Variants in NPHP4 observed in about 807,000 individuals in gnomAD.
NPHP4 encodes the protein nephrocystin 4.
A neutral mutation model predicts 155.8 loss-of-function variants in NPHP4; 151 were observed. The ratio of observed to expected loss-of-function variants is 0.97; its 90% CI spans 0.85 to 1.11. The LOEUF (loss-of-function observed/expected upper bound fraction) is 1.11. NPHP4 is among the 50% of genes least tolerant of loss of function. The pLI, the probability that NPHP4 is intolerant of heterozygous loss-of-function variation, is 0.00. For missense variants in NPHP4, 1,956 were observed against 1,925.7 expected, an observed-to-expected ratio of 1.02 and a Z score of -0.29; for synonymous variants, 845 against 816.8, an observed-to-expected ratio of 1.03 and a Z score of -0.59.
chr1:5,986,089 G>A, intron 2 of NPHP4, 66 bp downstream of exon 2: 1 of 1,570,478 alleles, frequency 6.4e-7, no homozygotes. Context: ...CCATCCATCT[G>A]TTAACTGGAA....
Position 5,875,060 on chromosome 1 carries a change from T to A in NPHP4, c.2858A>T (p.Gln953Leu). ...SVRTQHLRDL[Q>L]VIAAYRERTK... The stretch of plus-strand genomic sequence containing the variant: ...GCGTTCCCGGTAGGCGGCGATGACC[T>A]GTAGGTCCCGCAAGTGCTGTGTGCG... The change falls in exon 21 of 30, where the codon CAG becomes CTG. Residue 953 changes from glutamine to leucine, a missense_variant. Coordinates refer to ENST00000378156, the MANE Select transcript of NPHP4 (RefSeq NM_015102.5). The A allele has an allele frequency of 1.2e-6, 2 of 1,607,552 alleles. No homozygotes were observed. The highest frequency in any genetic ancestry group is 2.2e-5 in the South Asian group (2 of 91,032).
chr1:5,928,869 A>AGAAC (rs1485681969), intron 10 of NPHP4, among the ~76,000 whole-genome samples: 3 of 152,236 alleles, frequency 2.0e-5, no homozygotes, highest in African/African-American at 7.2e-5. Flanking sequence ...AATCTTGGGC[A>AGAAC]GAACTGACAG....
Position 5,873,322 on chromosome 1 carries a change from A to C in NPHP4, c.3245T>G (p.Leu1082Trp). ...GGCGTCCATGCCCTTCTCGTTGCTCAACCCAGGAGAGGCCTGCAGGAACCG... is the reference window on the plus strand; with the variant it reads ...GGCGTCCATGCCCTTCTCGTTGCTCCACCCAGGAGAGGCCTGCAGGAACCG... ...QLAMVQASPG[L>W]SNEKGMDAVS... is the part of the protein sequence containing the mutation. Residue 1082 changes from leucine to tryptophan, a missense_variant, in exon 23 of 30, where the codon TTG becomes TGG. Coordinates refer to ENST00000378156, the MANE Select transcript of NPHP4 (RefSeq NM_015102.5). 1 of 1,613,884 alleles carries C rather than the reference A, an allele frequency of 6.2e-7. No homozygotes were observed.
chr1:5,885,359 G>T (rs986382824), intron 18 of NPHP4, among the ~76,000 whole-genome samples: 22 of 128,940 alleles, frequency 1.7e-4, no homozygotes, highest in African/African-American at 6.5e-4. Flanking sequence ...CCCATCCTAC[G>T]CCGCAACCAA....
intron 11 of NPHP4, among the ~76,000 whole-genome samples, chr1:5,925,891 A>G (rs372775295): frequency 6.5e-4 from 99 of 152,368 alleles, no homozygotes; most frequent in African/African-American, 2.4e-3. Context: ...CTGGGATTAC[A>G]GGCGTGAGCC....
rs141741026 is a variant in NPHP4 at position 5,934,210 on chromosome 1, C to G, written c.1120-881G>C. On this transcript the variant is annotated intron_variant, in intron 9 of 29. Coordinates refer to ENST00000378156, the MANE Select transcript of NPHP4 (RefSeq NM_015102.5). ...CTGCCTGCAGATCCTGCAGGCTCCC[C>G]TGGTGGGTGGAGCACACTTAAGTCA... Among the ~76,000 whole-genome samples, 506 of 152,266 alleles carry G rather than the reference C, an allele frequency of 3.3e-3. 10 individuals carry two copies. The highest frequency in any genetic ancestry group is 0.017 in the East Asian group (86 of 5,168).
At chr1:5,975,087 A>T (rs1653294447) in intron 3 of NPHP4, among the ~76,000 whole-genome samples, 1 of 152,208 alleles carries the variant, frequency 6.6e-6, no homozygotes. Context: ...AGCAATTAGC[A>T]GACAGGGTGC....
Position 5,948,210 on chromosome 1 carries a change from C to T in NPHP4, c.852G>A (p.Glu284=). ...PLDGGALEIL[E]RRLRVGVHNG... ...TGTGCACGCCCACACGCAGGCGCCGCTCCAGGATCTCCAGGGCACCACCGT... is the reference window on the plus strand; with the variant it reads ...TGTGCACGCCCACACGCAGGCGCCGTTCCAGGATCTCCAGGGCACCACCGT... The change falls in exon 8 of 30, where the codon GAG becomes GAA. Residue 284 remains glutamate (E), a synonymous_variant. Coordinates refer to ENST00000378156, the MANE Select transcript of NPHP4 (RefSeq NM_015102.5). The T allele has an allele frequency of 6.3e-7, 1 of 1,596,572 alleles. No homozygotes were observed. The highest frequency in any genetic ancestry group is 8.5e-7 in the Non-Finnish European group (1 of 1,173,780).
intron 3 of NPHP4, among the ~76,000 whole-genome samples, chr1:5,977,669 T>C (rs11120935): frequency 0.83 from 124,929 of 149,906 alleles, 52,232 homozygotes; most frequent in African/African-American, 0.92. Context: ...AGACAGAGCA[T>C]GCCGGCCCGC....
chr1:5,887,711 G>A (rs1419901566), intron 17 of NPHP4, among the ~76,000 whole-genome samples: 1 of 152,210 alleles, frequency 6.6e-6, no homozygotes, highest in Non-Finnish European at 1.5e-5. Context: ...AGTATGACTG[G>A]ATTTACCCAC....
intron 21 of NPHP4, 75 bp from the exon 22 acceptor site, chr1:5,874,732 C>A: frequency 6.5e-7 from 1 of 1,540,414 alleles, no homozygotes; most frequent in East Asian, 2.3e-5. Flanking sequence ...TCCCACCCAC[C>A]GAGAGCGGTG....
In NPHP4 at chr1:5,864,323, G is replaced by A; in HGVS notation, c.3996+15C>T. 3 of 1,585,612 alleles carry A rather than the reference G, an allele frequency of 1.9e-6. No homozygotes were observed. In the South Asian group the frequency reaches 3.4e-5, roughly 18 times the overall value. Reference sequence around the variant, plus strand: ...GCCCCCATCCCCTCAGCCTGTGCCTGCCACACATACAGACCTTGGAGATGA... The same window carrying A: ...GCCCCCATCCCCTCAGCCTGTGCCTACCACACATACAGACCTTGGAGATGA... On this transcript the variant is annotated intron_variant, in intron 28 of 29. Coordinates refer to ENST00000378156, the MANE Select transcript of NPHP4 (RefSeq NM_015102.5).
chr1:5,947,891 G>A (rs1453780350), intron 8 of NPHP4, among the ~76,000 whole-genome samples, 179 bp downstream of exon 8: 2 of 152,088 alleles, frequency 1.3e-5, no homozygotes, highest in African/African-American at 4.8e-5. Context: ...AAAGGGGGGG[G>A]CTTTTTCCAA....
chr1:5,887,463 G>A lies in NPHP4; in HGVS notation c.2308C>T (p.Leu770Phe). 6.2e-7 allele frequency: 1 copy of A among 1,613,012 alleles called. No homozygotes were observed. Among genetic ancestry groups the A allele is most frequent in the Non-Finnish European group, 8.5e-7 (1 of 1,179,856 alleles). Residue 770 changes from leucine to phenylalanine, a missense_variant, in exon 18 of 30, where the codon CTC becomes TTC. Transcript: ENST00000378156. ...ACAGCCGGCCGGCCTTGGCGGAGGA[G>A]ATGCTGCAGAAGAGAAAAGCGCGTT... ...IGSAAVQMKH[L>F]LRQGRPAVQA... is the part of the protein sequence containing the mutation.
At chr1:5,888,341 T>C in intron 17 of NPHP4, 1 of 1,068,888 alleles carries the variant, frequency 9.4e-7, no homozygotes, top group Non-Finnish European at 1.1e-6. Context: ...GTGCCCTCTC[T>C]GCTCTGGTGC....
In NPHP4 at chr1:5,904,606, T is replaced by G. The variant is rs775305064; in HGVS notation, c.2143+11A>C. On this transcript the variant is annotated intron_variant, in intron 16 of 29. Transcript: ENST00000378156. ...GAATGTCTTGCCTTTGCCATGCACA[T>G]GAGTACTCACCAGCATCAAAGGTGC... 2 of 1,592,638 alleles carry G rather than the reference T, an allele frequency of 1.3e-6. No homozygotes were observed. The highest frequency in any genetic ancestry group is 1.7e-6 in the Non-Finnish European group (2 of 1,165,446).
chr1:5,943,930 A>C (rs1215707420), intron 9 of NPHP4, among the ~76,000 whole-genome samples: 1 of 152,172 alleles, frequency 6.6e-6, no homozygotes, highest in Admixed American at 6.5e-5. Context: ...GGACGGGAGA[A>C]AGAGATGAGA....
In NPHP4 at chr1:5,947,136, C is replaced by G; in HGVS notation, c.1087G>C (p.Val363Leu). Reference protein sequence around the residue: ...AFAVIFQLEYVFSSPAGVDGN... With the variant: ...AFAVIFQLEYLFSSPAGVDGN... Reference sequence around the variant, plus strand: ...TCCACTCCTGCAGGGCTGCTGAACACGTACTCCAGCTGGAAGATGACCGCA... The same window carrying G: ...TCCACTCCTGCAGGGCTGCTGAACAGGTACTCCAGCTGGAAGATGACCGCA... Residue 363 changes from valine to leucine, a missense_variant, in exon 9 of 30, where the codon GTG becomes CTG. Physicochemically the swap from Val to Leu is conservative, Grantham distance 32 (BLOSUM62 1). Coordinates refer to ENST00000378156, the MANE Select transcript of NPHP4 (RefSeq NM_015102.5). 1 of 1,613,994 alleles carries G rather than the reference C, an allele frequency of 6.2e-7. No homozygotes were observed. Among genetic ancestry groups the G allele is most frequent in the Non-Finnish European group, 8.5e-7 (1 of 1,179,880 alleles).
chr1:5,912,315 G>C (rs1049173480), intron 11 of NPHP4, among the ~76,000 whole-genome samples: 3 of 152,158 alleles, frequency 2.0e-5, no homozygotes, highest in African/African-American at 7.2e-5. Flanking sequence ...GAGGCGGGTG[G>C]ATCACAAGGT....
Sources: gnomAD v4.1 joint callset for allele counts (sites outside exome capture counted in the v4.1 genomes callset) on GRCh38, gnomAD v4.1.1 for gene constraint, MANE v1.5 for transcripts, NCBI Gene and HGNC (gene_info 2026-07-23, HGNC 2026-07-21) for gene names.